TTC6: variants seen among roughly 807,000 people sequenced by gnomAD.
TTC6 encodes the protein tetratricopeptide repeat protein 6.
In TTC6, 172 loss-of-function variants were observed where a neutral mutation model predicts 210.4. That is an observed-to-expected ratio of 0.82 (90% CI 0.72 to 0.93). The LOEUF (loss-of-function observed/expected upper bound fraction) is 0.93. Among genes scored for constraint, TTC6 ranks in the 40% least tolerant of loss-of-function variants. The probability of loss-of-function intolerance (pLI) is 0.00; values close to 1 mark genes in which losing one functional copy is unlikely to be tolerated. For synonymous variants in TTC6, 804 were observed against 819.6 expected, an observed-to-expected ratio of 0.98 and a Z score of 0.32; for missense variants, 2,414 against 2,318.1, an observed-to-expected ratio of 1.04 and a Z score of -0.85.
At chr14:37,818,649 T>A (rs1380387002) in intron 26 of TTC6, among the ~76,000 whole-genome samples, 2 of 152,148 alleles carry the variant, frequency 1.3e-5, no homozygotes, top group Non-Finnish European at 2.9e-5. Flanking sequence ...TATGAAAGTT[T>A]TTTTTTTAAT....
chr14:37,727,217 C>T (rs573069621), intron 7 of TTC6, among the ~76,000 whole-genome samples: 1 of 151,572 alleles, frequency 6.6e-6, no homozygotes, highest in African/African-American at 2.4e-5. Context: ...GTTACTTCTC[C>T]CTTTTAACAT....
At chr14:37,703,967 C>CT (rs2095830495) in intron 5 of TTC6, among the ~76,000 whole-genome samples, 1 of 152,096 alleles carries the variant, frequency 6.6e-6, no homozygotes, top group African/African-American at 2.4e-5. Context: ...GGTGAATAGC[C>CT]TTTCGGACAT....
intron 14 of TTC6, among the ~76,000 whole-genome samples, chr14:37,768,183 A>G (rs1306850103): frequency 2.0e-5 from 3 of 150,454 alleles, no homozygotes; most frequent in Admixed American, 2.0e-4. Flanking sequence ...TACCAGTACC[A>G]TGCTGTTTTG....
chr14:37,653,612 G>A (rs2095716782), intron 1 of TTC6, among the ~76,000 whole-genome samples: 1 of 152,164 alleles, frequency 6.6e-6, no homozygotes, highest in Admixed American at 6.5e-5. Flanking sequence ...CTGTGTGGAG[G>A]TGGATCTAGG....
Position 37,749,412 on chromosome 14 carries a change from T to G in TTC6, c.2826+11T>G. On this transcript the variant is annotated intron_variant, in intron 11 of 30. Coordinates refer to ENST00000553443, the Ensembl canonical transcript of TTC6. Reference sequence around the variant, plus strand: ...AATGATCTGCAGAGAGTAAGTTTTCTTTAACCAAAATAGTAATATTCACCA... The same window carrying G: ...AATGATCTGCAGAGAGTAAGTTTTCGTTAACCAAAATAGTAATATTCACCA... 7.1e-7 allele frequency: 1 copy of G among 1,400,636 alleles called. No homozygotes were observed. The highest frequency in any genetic ancestry group is 9.2e-7 in the Non-Finnish European group (1 of 1,083,214). 86.8% of individuals were successfully genotyped at this position (1,400,636 alleles called of 1,614,324 possible).
chr14:37,611,441 C>CG (rs1236917500), intron 2 of TTC6: 1 of 152,276 alleles, frequency 6.6e-6, no homozygotes, highest in Non-Finnish European at 1.5e-5. Context: ...TTGGGCGGAG[C>CG]GGTTGTCCCC....
At chr14:37,839,228 T>C (rs2139052174) in intron 29 of TTC6, among the ~76,000 whole-genome samples, 1 of 152,328 alleles carries the variant, frequency 6.6e-6, no homozygotes, top group African/African-American at 2.4e-5. Flanking sequence ...CCCACTGTCT[T>C]CCACAATGGT....
At chr14:37,783,047 C>T (rs12437039) in intron 14 of TTC6, among the ~76,000 whole-genome samples, 137,595 of 152,170 alleles carry the variant, frequency 0.9, 63,271 homozygotes, top group Non-Finnish European at 1. Context: ...TTATTGAGGA[C>T]TTTTGCATCG....
At chr14:37,800,409 G>A (rs1244904718) in intron 20 of TTC6, among the ~76,000 whole-genome samples, 1 of 152,116 alleles carries the variant, frequency 6.6e-6, no homozygotes, top group Admixed American at 6.6e-5. Flanking sequence ...GGAGAGATAA[G>A]TTAAGAACTG....
At chr14:37,741,009 A>G (rs1163396519) in intron 10 of TTC6, among the ~76,000 whole-genome samples, 1 of 152,174 alleles carries the variant, frequency 6.6e-6, no homozygotes, top group Non-Finnish European at 1.5e-5. Context: ...CCATTTAAAA[A>G]GATTTCTTTG....
intron 28 of TTC6, 64 bp from the exon 31 acceptor site, chr14:37,827,132 C>T (rs1206846147): frequency 4.5e-6 from 6 of 1,325,676 alleles, no homozygotes; most frequent in Non-Finnish European, 5.1e-6. Context: ...TTCATTTTGG[C>T]AGACATGACA....
chr14:37,737,814 A>T (rs1595175488), intron 9 of TTC6, 80 bp downstream of exon 11: 15 of 448,268 alleles, frequency 3.3e-5, no homozygotes, highest in Admixed American at 9.4e-5. Context: ...TTTTTTTTTA[A>T]AAGCATCTAC....
chr14:37,769,635 G>A (rs1016687383), intron 14 of TTC6, among the ~76,000 whole-genome samples: 4 of 152,062 alleles, frequency 2.6e-5, no homozygotes, highest in Non-Finnish European at 4.4e-5. Flanking sequence ...ATTTCTGTGG[G>A]ATCAGTGGTG....
chr14:37,676,040 G>C (rs2095768494), intron 1 of TTC6, among the ~76,000 whole-genome samples: 1 of 151,974 alleles, frequency 6.6e-6, no homozygotes, highest in African/African-American at 2.4e-5. Context: ...TATTCTTGTT[G>C]TATGTTAGTG....
intron 13 of TTC6, among the ~76,000 whole-genome samples, chr14:37,751,943 C>T (rs1007301865): frequency 1.3e-5 from 2 of 151,234 alleles, no homozygotes; most frequent in Non-Finnish European, 2.9e-5. Flanking sequence ...CCTGCCTCAG[C>T]CTCCCAAGCA....
exon 20 of TTC6, chr14:37,796,870 G>A (rs754620743): frequency 1.2e-5 from 20 of 1,610,742 alleles, no homozygotes; most frequent in South Asian, 2.2e-5. Flanking sequence ...GGTCTTGGAC[G>A]GAATCAGCTG....
intron 29 of TTC6, among the ~76,000 whole-genome samples, chr14:37,831,140 GT>G (rs566523284): frequency 2.0e-5 from 3 of 151,522 alleles, no homozygotes; most frequent in Non-Finnish European, 4.4e-5. Flanking sequence ...AGACAAAGTT[GT>G]TTTTTTTAAG....
At chr14:37,712,517 C>T (rs2095846204) in intron 5 of TTC6, among the ~76,000 whole-genome samples, 1 of 152,134 alleles carries the variant, frequency 6.6e-6, no homozygotes. Flanking sequence ...TCAAGACAGA[C>T]CCAAGACTGG....
intron 1 of TTC6, among the ~76,000 whole-genome samples, chr14:37,678,438 A>G (rs2095775198): frequency 6.6e-6 from 1 of 152,126 alleles, no homozygotes; most frequent in Admixed American, 6.6e-5. Flanking sequence ...TCTCCATTGC[A>G]TGGGCAGACT....
Sources: gnomAD v4.1 joint callset for allele counts (sites outside exome capture counted in the v4.1 genomes callset) on GRCh38, gnomAD v4.1.1 for gene constraint, MANE v1.5 for transcripts, NCBI Gene and HGNC (gene_info 2026-07-23, HGNC 2026-07-21) for gene names.